Variants in ZNF536 observed in about 807,000 individuals in gnomAD.
ZNF536 encodes the protein zinc finger protein 536.
ZNF536 carries 13 observed loss-of-function variants against 84.5 expected under a neutral mutation model. That is an observed-to-expected ratio of 0.15 (90% CI 0.10 to 0.24). The LOEUF is 0.24. ZNF536 is among the 10% of genes least tolerant of loss of function. The pLI is 1.00. For synonymous variants in ZNF536, 811 were observed against 742.5 expected (o/e 1.09, Z -1.50); for missense variants, 1,536 against 1,747.5 (o/e 0.88, Z 2.16).
chr19:30,415,947 T>G (rs2050713882), intron 1 of ZNF536, among the ~76,000 whole-genome samples: 1 of 152,192 alleles, frequency 6.6e-6, no homozygotes, highest in African/African-American at 2.4e-5. Context: ...TCGCTTGTTC[T>G]TTCTGGAACT....
At chr19:30,698,354 C>G (rs1179268696) in intron 1 of ZNF536, among the ~76,000 whole-genome samples, 1 of 152,072 alleles carries the variant, frequency 6.6e-6, no homozygotes, top group African/African-American at 2.4e-5. Flanking sequence ...ACCGCCATTT[C>G]CCACTATTAT....
intron 1 of ZNF536, among the ~76,000 whole-genome samples, chr19:30,691,628 T>C (rs1198880852): frequency 6.6e-6 from 1 of 152,160 alleles, no homozygotes; most frequent in Non-Finnish European, 1.5e-5. Context: ...GGCCCTCATA[T>C]GTGGGACTGA....
intron 2 of ZNF536, among the ~76,000 whole-genome samples, chr19:30,340,832 C>T (rs1375304421): frequency 6.6e-6 from 1 of 152,152 alleles, no homozygotes; most frequent in Non-Finnish European, 1.5e-5. Context: ...GAATGATATC[C>T]TCTAAAAGAT....
In ZNF536 at chr19:30,331,895, A is replaced by G. The variant is rs116200112; in HGVS notation, c.-119-20473A>G. ...CCCAGTGGGGAGATCATGGTCCATCATTTTCATCACTTCCTTGCACCCATT... is the reference window on the plus strand; with the variant it reads ...CCCAGTGGGGAGATCATGGTCCATCGTTTTCATCACTTCCTTGCACCCATT... On this transcript the variant is annotated intron_variant, in intron 2 of 5. Transcript: ENST00000585628. Among the ~76,000 whole-genome samples, 274 of 152,096 alleles carry G rather than the reference A, an allele frequency of 1.8e-3. 1 individual carries two copies. Among genetic ancestry groups the G allele is most frequent in the African/African-American group, 6.3e-3 (260 of 41,486 alleles).
At chr19:30,700,213 C>CTTCTTTCTTTCCTTCTTTCTTTCTTTCT (rs2051861309) in intron 1 of ZNF536, among the ~76,000 whole-genome samples, 1 of 102,586 alleles carries the variant, frequency 9.7e-6, no homozygotes, top group Middle Eastern at 5.0e-3. Context: ...TCTTTCTTTC[C>CTTCTTTCTTTCCTTCTTTCTTTCTTTCT]TTCTTTCTTT....
intron 4 of ZNF536, among the ~76,000 whole-genome samples, chr19:30,553,146 C>T (rs1183818535): frequency 6.6e-6 from 1 of 152,152 alleles, no homozygotes; most frequent in Non-Finnish European, 1.5e-5. Context: ...GAATGTTTGA[C>T]CTTGGTTTTG....
intron 1 of ZNF536, among the ~76,000 whole-genome samples, chr19:30,617,366 T>TTTTTTTTTTTTTTTTTTTTTTTTTTTTA (rs869281886): frequency 2.6e-5 from 3 of 115,990 alleles, no homozygotes; most frequent in Non-Finnish European, 3.6e-5. Flanking sequence ...TTTTTTTTTT[T>TTTTTTTTTTTTTTTTTTTTTTTTTTTTA]ATGAGATGGA....
At chr19:30,654,149 CCCTGGCTGCTA>C (rs2049815610) in intron 1 of ZNF536, among the ~76,000 whole-genome samples, 3 of 152,310 alleles carry the variant, frequency 2.0e-5, no homozygotes, top group African/African-American at 7.2e-5. Context: ...TAAGAAGTCT[CCCTGGCTGCTA>C]CCTGGCAGCA....
chr19:30,560,796 T>A (rs1169416776), downstream of ZNF536, among the ~76,000 whole-genome samples: 1 of 152,244 alleles, frequency 6.6e-6, no homozygotes, highest in Admixed American at 6.5e-5. Flanking sequence ...GATTATTCCA[T>A]AAGTATAGTC....
chr19:30,594,830 G>A (rs1434171502), intron 1 of ZNF536, among the ~76,000 whole-genome samples: 1 of 152,118 alleles, frequency 6.6e-6, no homozygotes, highest in East Asian at 1.9e-4. Context: ...TGGCACAGAG[G>A]AGCAGTGCAG....
chr19:30,441,701 C>T (rs964293155), intron 1 of ZNF536, among the ~76,000 whole-genome samples: 1 of 152,236 alleles, frequency 6.6e-6, no homozygotes, highest in Non-Finnish European at 1.5e-5. Flanking sequence ...AGCTGGAAGC[C>T]TTCTCCTATG....
intron 1 of ZNF536, among the ~76,000 whole-genome samples, chr19:30,625,100 T>C (rs1424682124): frequency 1.3e-5 from 2 of 152,172 alleles, no homozygotes; most frequent in African/African-American, 4.8e-5. Flanking sequence ...TGGACTAATA[T>C]ACCAGGAATG....
At chr19:30,475,530 A>G (rs867597914) in intron 2 of ZNF536, among the ~76,000 whole-genome samples, 1 of 152,188 alleles carries the variant, frequency 6.6e-6, no homozygotes, top group East Asian at 1.9e-4. Flanking sequence ...CCATTCCCCA[A>G]TTGGCGGGCA....
At chr19:30,514,648 A>C (rs2055558098) in intron 2 of ZNF536, among the ~76,000 whole-genome samples, 2 of 151,700 alleles carry the variant, frequency 1.3e-5, no homozygotes, top group Non-Finnish European at 2.9e-5. Context: ...CTTCTGCTTG[A>C]TTCCAGAGGG....
intron 1 of ZNF536, among the ~76,000 whole-genome samples, chr19:30,632,665 AC>A (rs2048934949): frequency 6.6e-6 from 1 of 151,456 alleles, no homozygotes; most frequent in Non-Finnish European, 1.5e-5. Context: ...CAACCAACCA[AC>A]CAACCAACCA....
At chr19:30,436,388 A>G in intron 1 of ZNF536, 1 of 560,008 alleles carries the variant, frequency 1.8e-6, no homozygotes, top group Non-Finnish European at 2.3e-6. Flanking sequence ...CAAATAAACC[A>G]CTCAGTATCC....
At chr19:30,312,349 G>C (rs748923535) in intron 2 of ZNF536, among the ~76,000 whole-genome samples, 1 of 152,108 alleles carries the variant, frequency 6.6e-6, no homozygotes, top group African/African-American at 2.4e-5. Context: ...GAGAAAGCCT[G>C]TCTCAGAGAG....
At chr19:30,418,993 C>T (rs974148938) in intron 1 of ZNF536, among the ~76,000 whole-genome samples, 10 of 152,180 alleles carry the variant, frequency 6.6e-5, no homozygotes, top group East Asian at 1.9e-4. Context: ...AGAAACGATG[C>T]GTGTCCATGA....
At chr19:30,490,169 T>G (rs1291315108) in intron 2 of ZNF536, among the ~76,000 whole-genome samples, 6 of 152,246 alleles carry the variant, frequency 3.9e-5, no homozygotes, top group Admixed American at 3.9e-4. Flanking sequence ...ACTTTTTTTT[T>G]TAACCAAGTT....
Sources: allele counts gnomAD v4.1 joint callset (sites outside exome capture counted in the v4.1 genomes callset), GRCh38; gene constraint gnomAD v4.1.1; transcripts MANE v1.5; gene names NCBI Gene and HGNC (gene_info 2026-07-23, HGNC 2026-07-21).